ACTC1: variants seen among roughly 807,000 people sequenced by gnomAD.
ACTC1 encodes the protein actin alpha cardiac muscle 1, also known as actin, alpha cardiac muscle 1.
In ACTC1, 10 loss-of-function variants were observed where a neutral mutation model predicts 31.6. That is an observed-to-expected ratio of 0.32 (90% CI 0.19 to 0.54). ACTC1 has a LOEUF of 0.54. Among genes scored for constraint, ACTC1 ranks in the 20% least tolerant of loss-of-function variants. The pLI is 0.95. For missense variants in ACTC1, 129 were observed against 506.4 expected, an observed-to-expected ratio of 0.25 and a Z score of 7.15; for synonymous variants, 196 against 185.0, an observed-to-expected ratio of 1.06 and a Z score of -0.48.
rs774238821 is a variant in ACTC1 at position 34,791,306 on chromosome 15, G to GCCACAC, written c.809-12_809-11insGTGTGG. On this transcript the variant is annotated splice_polypyrimidine_tract_variant and intron_variant, in intron 5 of 6. Transcript: ENST00000290378. ...CAGCAGATTCCATACCTGGGAACGA[G>GCCACAC]TCACACACACACACACACACACACA... The GCCACAC allele has an allele frequency of 7.7e-6, 11 of 1,430,020 alleles. No homozygotes were observed. Among genetic ancestry groups the GCCACAC allele is most frequent in the African/African-American group, 1.7e-5 (1 of 57,332 alleles). The allele number at this position is 1,430,020 out of a possible 1,614,324, so 88.6% of individuals were successfully genotyped here. A position where few individuals can be genotyped will look rare whatever the true frequency, so the allele number is the denominator to read the frequency against.
intron 2 of ACTC1, among the ~76,000 whole-genome samples, chr15:34,794,252 G>C (rs1891766961): frequency 6.6e-6 from 1 of 152,212 alleles, no homozygotes; most frequent in Non-Finnish European, 1.5e-5. Context: ...TACACCTTTG[G>C]GGAACCCTGT....
At position 34,791,307 on chromosome 15, in the gene ACTC1, T is replaced by TCA. The variant is rs59431308; in HGVS notation, c.809-14_809-13dup. The TCA allele has an allele frequency of 0.061, 77,033 of 1,262,192 alleles. 1,109 individuals are homozygous for TCA. The highest frequency in any genetic ancestry group is 0.11 in the African/African-American group (7,195 of 63,114). 78.2% of individuals were successfully genotyped at this position (1,262,192 alleles called of 1,614,324 possible). On this transcript the variant is annotated splice_polypyrimidine_tract_variant and intron_variant, in intron 5 of 6. Coordinates refer to ENST00000290378, the MANE Select transcript of ACTC1 (RefSeq NM_005159.5). ...AGCAGATTCCATACCTGGGAACGAGTCACACACACACACACACACACACAC... is the reference window on the plus strand; with the variant it reads ...AGCAGATTCCATACCTGGGAACGAGTCACACACACACACACACACACACACAC...
rs1891755812 is a variant in ACTC1 at position 34,793,666 on chromosome 15, AT to A, written c.130-98del. 1 of 1,102,392 alleles carries A rather than the reference AT, an allele frequency of 9.1e-7. No individual in the cohort carries two copies. Among genetic ancestry groups the A allele is most frequent in the Non-Finnish European group, 1.3e-6 (1 of 740,936 alleles). 68.3% of individuals were successfully genotyped at this position (1,102,392 alleles called of 1,614,324 possible). On this transcript the variant is annotated intron_variant, in intron 2 of 6. Transcript: ENST00000290378. This position sits in a 1 kb window ranked among gnomAD's most constrained non-coding sequence, Gnocchi z 4.8. ...TATCTAACTGCCCAAGTCAAGGAAC[AT>A]ATTTAAATACCAGAAATAACAAGCA...
rs548996341 is a variant in ACTC1 at position 34,792,345 on chromosome 15, C to T, written c.616+63G>A. 37 of 1,613,728 alleles carry T rather than the reference C, an allele frequency of 2.3e-5. No individual in the cohort carries two copies. Among genetic ancestry groups the T allele is most frequent in the African/African-American group, 1.7e-4 (13 of 75,000 alleles). ...AAGAAGTCAATTATAGGGAGGTAGG[C>T]GGATTCAGTGAGAGAGGAGGAAAGC... On this transcript the variant is annotated intron_variant, in intron 4 of 6. Transcript: ENST00000290378. The surrounding 1 kb of genome is among the most constrained non-coding windows in gnomAD (Gnocchi z 5.3).
chr15:34,794,919 G>C (rs1272389945), intron 1 of ACTC1, 89 bp from the exon 2 acceptor site: 1 of 1,350,942 alleles, frequency 7.4e-7, no homozygotes. Flanking sequence ...AGAGCAGAAG[G>C]GGGTTGTGGG....
intron 1 of ACTC1, 31 bp from the exon 2 acceptor site, chr15:34,794,861 G>A: frequency 6.3e-7 from 1 of 1,597,584 alleles, no homozygotes; most frequent in East Asian, 2.2e-5. Flanking sequence ...GGCGGACCAC[G>A]CTTAGCTGCC....
intron 6 of ACTC1, 106 bp from the exon 7 acceptor site, chr15:34,790,661 G>A (rs559661985): frequency 1.3e-5 from 17 of 1,337,490 alleles, no homozygotes; most frequent in Middle Eastern, 1.8e-4. Context: ...ATATTAATTC[G>A]CTATAATGTG....
At position 34,792,231 on chromosome 15, in the gene ACTC1, G is replaced by A; in HGVS notation, c.667C>T (p.Leu223=). ...GTGGCCATCTCATTCTCAAAATCCAGGGCGACATAGCACAGCTTCTCTTTA... is the reference window on the plus strand; with the variant it reads ...GTGGCCATCTCATTCTCAAAATCCAAGGCGACATAGCACAGCTTCTCTTTA... The part of the protein sequence containing the change: ...DIKEKLCYVA[L]DFENEMATAA... Residue 223 remains leucine (L), a synonymous_variant, in exon 5 of 7, where the codon CTG becomes TTG. Coordinates refer to ENST00000290378, the MANE Select transcript of ACTC1 (RefSeq NM_005159.5). This position sits in a 1 kb window ranked among gnomAD's most constrained non-coding sequence, Gnocchi z 5.3. 1.2e-6 allele frequency: 2 copies of A among 1,614,218 alleles called. No individual in the cohort carries two copies. Among genetic ancestry groups the A allele is most frequent in the Non-Finnish European group, 8.5e-7 (1 of 1,180,048 alleles).
chr15:34,791,566 G>A (rs1385329658), intron 5 of ACTC1: 5 of 475,036 alleles, frequency 1.1e-5, no homozygotes, highest in South Asian at 9.8e-5. Flanking sequence ...ACTCTCAGAT[G>A]TATGAAGATG....
chr15:34,794,935 G>T (rs1298006343), intron 1 of ACTC1, 105 bp from the exon 2 acceptor site: 11 of 620,006 alleles, frequency 1.8e-5, no homozygotes, highest in Non-Finnish European at 2.2e-5. Context: ...GTGGGGACTG[G>T]ACAGGGGGTT....
Position 34,790,447 on chromosome 15 carries a change from C to T in ACTC1, c.1099G>A (p.Ala367Thr), listed in dbSNP as rs370256882. ...TTGCGGTGGACAATGGATGGGCCTG[C>T]CTCATCGTACTCTTGCTTGCTAATC... ...MWISKQEYDE[A>T]GPSIVHRKCF The change falls in exon 7 of 7, where the codon GCA (alanine) becomes ACA (threonine). Residue 367 changes from alanine (A) to threonine (T), a missense_variant. Ala to Thr is a moderately conservative substitution (Grantham distance 58). Coordinates refer to ENST00000290378, the MANE Select transcript of ACTC1 (RefSeq NM_005159.5). 8 of 1,613,970 alleles carry T rather than the reference C, an allele frequency of 5.0e-6. No homozygotes were observed. Among genetic ancestry groups the T allele is most frequent in the Non-Finnish European group, 4.2e-6 (5 of 1,180,010 alleles).
Position 34,794,680 on chromosome 15 carries a change from C to A in ACTC1, c.129G>T (p.Gln43His). 6.2e-7 allele frequency: 1 copy of A among 1,611,438 alleles called. No individual in the cohort carries two copies. Among genetic ancestry groups the A allele is most frequent in the Non-Finnish European group, 8.5e-7 (1 of 1,178,692 alleles). The stretch of plus-strand genomic sequence containing the variant: ...ACGGGGGGCTCGGCGGGAAGTTTAC[C>A]TGGTGCCGCGGGCGGCCCACGATGG... ...FPSIVGRPRH[Q>H]GVMVGMGQKD... is the part of the protein sequence containing the mutation. Residue 43 changes from glutamine (Q) to histidine (H), a missense_variant and splice_region_variant, in exon 2 of 7, where the codon CAG becomes CAT. Gln to His is a conservative substitution (Grantham distance 24). This residue lies in a region of ACTC1 where 35 missense variants were observed against 102.3 expected (regional missense o/e 0.34). Transcript: ENST00000290378.
rs765934670 is a variant in ACTC1, at chr15:34,791,330, C to CACAT, written c.809-36_809-35insATGT. The CACAT allele has an allele frequency of 1.8e-5, 28 of 1,571,574 alleles. 1 individual carries two copies. The highest frequency in any genetic ancestry group is 2.3e-5 in the Non-Finnish European group (27 of 1,149,206). On this transcript the variant is annotated intron_variant, in intron 5 of 6. Transcript: ENST00000290378. ...AGTCACACACACACACACACACACACACACACACACACACACACACACATC... is the reference window on the plus strand; with the variant it reads ...AGTCACACACACACACACACACACACACATACACACACACACACACACACACATC...
chr15:34,793,169 G>T lies in ACTC1; in HGVS notation c.454+76C>A. The T allele has an allele frequency of 6.9e-7, 1 of 1,444,634 alleles. No individual in the cohort carries two copies. The highest frequency in any genetic ancestry group is 9.7e-7 in the Non-Finnish European group (1 of 1,033,378). 89.5% of individuals were successfully genotyped at this position (1,444,634 alleles called of 1,614,324 possible). A position where few individuals can be genotyped will look rare whatever the true frequency, so the allele number is the denominator to read the frequency against. On this transcript the variant is annotated intron_variant, in intron 3 of 6. Coordinates refer to ENST00000290378, the MANE Select transcript of ACTC1 (RefSeq NM_005159.5). This position sits in a 1 kb window ranked among gnomAD's most constrained non-coding sequence, Gnocchi z 4.8. The stretch of plus-strand genomic sequence containing the variant: ...GAAAGGGATTATCCCTTTTTCAACT[G>T]GGGGATCTGATTCACAGCAAGGTCG...
chr15:34,793,134 G>T lies in ACTC1; in HGVS notation c.454+111C>A. On this transcript the variant is annotated intron_variant, in intron 3 of 6. Coordinates refer to ENST00000290378, the MANE Select transcript of ACTC1 (RefSeq NM_005159.5). The surrounding 1 kb of genome is among the most constrained non-coding windows in gnomAD (Gnocchi z 4.8). The stretch of plus-strand genomic sequence containing the variant: ...TTTCTCTTAGCACAGACCTTGCTAG[G>T]GAATGGGAGGAAAGGGATTATCCCT... The T allele has an allele frequency of 1.8e-6, 2 of 1,122,968 alleles. No individual in the cohort carries two copies. The highest frequency in any genetic ancestry group is 2.6e-6 in the Non-Finnish European group (2 of 758,144). The allele number at this position is 1,122,968 out of a possible 1,614,324, so 69.6% of individuals were successfully genotyped here. A position where few individuals can be genotyped will look rare whatever the true frequency, so the allele number is the denominator to read the frequency against.
Position 34,792,075 on chromosome 15 carries a change from G to A in ACTC1, c.808+15C>T, listed in dbSNP as rs376724957. On this transcript the variant is annotated intron_variant, in intron 5 of 6. Transcript: ENST00000290378. This position sits in a 1 kb window ranked among gnomAD's most constrained non-coding sequence, Gnocchi z 5.3. ...CAGGGAAAATCGTGCCTCTGCACCA[G>A]ACCCTACAACTCACCAATGAAGGAG... is the stretch of plus-strand genomic sequence containing the variant. 2.5e-6 allele frequency: 4 copies of A among 1,613,964 alleles called. No homozygotes were observed. In the South Asian group the frequency reaches 4.4e-5, roughly 18 times the overall value.
intron 5 of ACTC1, 144 bp downstream of exon 5, chr15:34,791,946 T>G (rs1355733783): frequency 2.5e-6 from 2 of 785,934 alleles, no homozygotes; most frequent in South Asian, 3.2e-5. Flanking sequence ...TAATGAGCCA[T>G]CAGGACTTGA....
At chr15:34,791,086 G>A (rs368741225) in intron 6 of ACTC1, 28 bp downstream of exon 6, 266 of 1,564,318 alleles carry the variant, frequency 1.7e-4, no homozygotes, top group Non-Finnish European at 2.0e-4. Flanking sequence ...GACTTGCCTC[G>A]GATCTCCCAC....
In ACTC1 at chr15:34,792,711, CAAA is replaced by C; in HGVS notation, c.455-145_455-143del. On this transcript the variant is annotated intron_variant, in intron 3 of 6. Coordinates refer to ENST00000290378, the MANE Select transcript of ACTC1 (RefSeq NM_005159.5). This position sits in a 1 kb window ranked among gnomAD's most constrained non-coding sequence, Gnocchi z 5.3. ...CAGATAAAATTAGATTCCTTACACA[CAAA>C]GAATAAAAATGCGCATCAGGAATAC... The C allele has an allele frequency of 1.1e-6, 1 of 871,828 alleles. No homozygotes were observed. Among genetic ancestry groups the C allele is most frequent in the South Asian group, 1.5e-5 (1 of 67,634 alleles). The allele number at this position is 871,828 out of a possible 1,614,324, so 54.0% of individuals were successfully genotyped here.
Sources: gnomAD v4.1 joint callset for allele counts (sites outside exome capture counted in the v4.1 genomes callset) on GRCh38, gnomAD v4.1.1 for gene constraint, gnomAD v4.1.1 regional missense constraint, Gnocchi (gnomAD v3.1) non-coding constraint, MANE v1.5 for transcripts, NCBI Gene and HGNC (gene_info 2026-07-23, HGNC 2026-07-21) for gene names.